The following UTRN variants were observed in gnomAD, a reference collection of about 807,000 sequenced individuals.
The protein encoded by UTRN is utrophin, also known as dystrophin-related protein 1.
In UTRN, 283 loss-of-function variants were observed where a neutral mutation model predicts 463.9. The ratio of observed to expected loss-of-function variants is 0.61; its 90% CI spans 0.55 to 0.67. UTRN has a LOEUF of 0.67. Among genes scored for constraint, UTRN ranks in the 30% least tolerant of loss-of-function variants. The pLI, the probability that UTRN is intolerant of heterozygous loss-of-function variation, is 0.00. For missense variants in UTRN, 3,922 were observed against 4,084.3 expected (o/e 0.96, Z 1.08); for synonymous variants, 1,442 against 1,431.5 (o/e 1.01, Z -0.17).
At position 144,461,334 on chromosome 6, in the gene UTRN, G is replaced by A. The variant is rs757368600; in HGVS notation, c.2845G>A (p.Glu949Lys). 10 of 1,558,072 alleles carry A rather than the reference G, an allele frequency of 6.4e-6. No individual in the cohort carries two copies. In the Admixed American group the frequency reaches 7.7e-5, roughly 12 times the overall value. ...TGCCAAGGTGGAGAAGGCCCTGCAAGAAAAAAAGGTAACATATATCTTCCA... is the reference window on the plus strand; with the variant it reads ...TGCCAAGGTGGAGAAGGCCCTGCAAAAAAAAAAGGTAACATATATCTTCCA... ...DLAKVEKALQ[E>K]KKTLDEILEN... is the part of the protein sequence containing the mutation. The change falls in exon 22 of 75, where the codon GAA becomes AAA. Residue 949 changes from glutamate to lysine, a missense_variant. Physicochemically the swap from Glu to Lys is moderately conservative, Grantham distance 56 (BLOSUM62 1). Coordinates refer to ENST00000367545, the MANE Select transcript of UTRN (RefSeq NM_007124.3).
chr6:144,778,887 A>G (rs779229447), intron 60 of UTRN, among the ~76,000 whole-genome samples: 13 of 152,214 alleles, frequency 8.5e-5, no homozygotes, highest in Non-Finnish European at 1.6e-4. Context: ...GAAAATCTTA[A>G]TCATAATTTT....
intron 51 of UTRN, among the ~76,000 whole-genome samples, chr6:144,626,741 G>C (rs1585643164): frequency 3.3e-5 from 5 of 152,288 alleles, no homozygotes; most frequent in Admixed American, 3.3e-4. Flanking sequence ...CCAGGTTCAA[G>C]CAATTCTCCT....
intron 51 of UTRN, among the ~76,000 whole-genome samples, chr6:144,653,565 G>A (rs1779039774): frequency 6.7e-6 from 1 of 150,072 alleles, no homozygotes; most frequent in Non-Finnish European, 1.5e-5. Context: ...CAGCCTGGGC[G>A]ACAGAGCGAG....
At chr6:144,397,096 T>C (rs1782503742) in intron 2 of UTRN, among the ~76,000 whole-genome samples, 1 of 152,016 alleles carries the variant, frequency 6.6e-6, no homozygotes, top group Non-Finnish European at 1.5e-5. Flanking sequence ...ATACAAAAAT[T>C]AGCCAGGCTT....
At chr6:144,791,379 G>A (rs934463937) in intron 62 of UTRN, among the ~76,000 whole-genome samples, 2 of 152,000 alleles carry the variant, frequency 1.3e-5, no homozygotes, top group Non-Finnish European at 2.9e-5. Context: ...TGGCCTTTAT[G>A]CTTATAGCTG....
At position 144,751,855 on chromosome 6, in the gene UTRN, A is replaced by G; in HGVS notation, c.8258A>G (p.Asn2753Ser). The G allele has an allele frequency of 1.9e-6, 3 of 1,611,918 alleles. No homozygotes were observed. Among genetic ancestry groups the G allele is most frequent in the Non-Finnish European group, 2.5e-6 (3 of 1,179,052 alleles). ...ATCAACTTTAAAGTTAAAACGGTGAATGATTTATCCAGTCAGCTGTCTCCA... is the reference window on the plus strand; with the variant it reads ...ATCAACTTTAAAGTTAAAACGGTGAGTGATTTATCCAGTCAGCTGTCTCCA... Reference protein sequence around the residue: ...APINFKVKTVNDLSSQLSPLD... With the variant: ...APINFKVKTVSDLSSQLSPLD... The change falls in exon 56 of 75, where the codon AAT (asparagine) becomes AGT (serine). Residue 2753 changes from asparagine (N) to serine (S), a missense_variant. Physicochemically the swap from Asn to Ser is conservative, Grantham distance 46 (BLOSUM62 1). Transcript: ENST00000367545.
intron 52 of UTRN, among the ~76,000 whole-genome samples, chr6:144,695,355 T>G (rs544504642): frequency 3.9e-5 from 6 of 152,130 alleles, no homozygotes; most frequent in Non-Finnish European, 8.8e-5. Flanking sequence ...ACTTTTTTTT[T>G]TTTTTTGAGA....
chr6:144,394,370 C>T (rs1782206844), intron 2 of UTRN, among the ~76,000 whole-genome samples: 1 of 152,034 alleles, frequency 6.6e-6, no homozygotes, highest in Admixed American at 6.6e-5. Flanking sequence ...AAGGGGAAAC[C>T]CCTTATAAAA....
chr6:144,525,683 G>C (rs1463797490), intron 41 of UTRN, among the ~76,000 whole-genome samples: 1 of 149,834 alleles, frequency 6.7e-6, no homozygotes, highest in Non-Finnish European at 1.5e-5. Flanking sequence ...TTTTCATTTA[G>C]CTCTGCTCTG....
At chr6:144,548,942 A>T (rs888683822) in intron 47 of UTRN, 88 bp downstream of exon 47, 17 of 1,348,496 alleles carry the variant, frequency 1.3e-5, no homozygotes, top group Non-Finnish European at 1.7e-5. Context: ...TTTATCCTAA[A>T]CTATGAGAGA....
chr6:144,499,422 G>A lies in UTRN; in HGVS notation c.4759G>A (p.Ala1587Thr). The A allele has an allele frequency of 6.2e-7, 1 of 1,605,326 alleles. No homozygotes were observed. Among genetic ancestry groups the A allele is most frequent in the East Asian group, 2.2e-5 (1 of 44,650 alleles). ...TGACTTGGATACAGAAATTTCCTGG[G>A]CTAAAGTAAGTTGCAGTTCAGATGA... ...LGDLDTEISW[A>T]KNVLKDLEKR... Residue 1587 changes from alanine (A) to threonine (T), a missense_variant, in exon 34 of 75, where the codon GCT (alanine) becomes ACT (threonine). Ala to Thr is a moderately conservative substitution (Grantham distance 58). This residue lies in a region of UTRN where 2,349 missense variants were observed against 2,303.8 expected (regional missense o/e 1.02). Transcript: ENST00000367545.
At chr6:144,424,119 T>C (rs1785091285) in intron 6 of UTRN, 41 bp downstream of exon 6, 1 of 1,592,828 alleles carries the variant, frequency 6.3e-7, no homozygotes, top group Admixed American at 1.7e-5. Context: ...AGATGGAAAA[T>C]GTGTTGTTTG....
chr6:144,758,451 T>C (rs1792253791), intron 58 of UTRN: 1 of 152,306 alleles, frequency 6.6e-6, no homozygotes, highest in Non-Finnish European at 1.5e-5. Flanking sequence ...TGTCATTTTA[T>C]TCCACCAATA....
At chr6:144,458,202 C>T (rs1207982920) in intron 19 of UTRN, among the ~76,000 whole-genome samples, 1 of 152,138 alleles carries the variant, frequency 6.6e-6, no homozygotes, top group Non-Finnish European at 1.5e-5. Flanking sequence ...TGCAAGGTCT[C>T]CAGTGGGCTT....
Position 144,548,713 on chromosome 6 carries a change from G to A in UTRN, c.6669G>A (p.Ser2223=), listed in dbSNP as rs562008148. The A allele has an allele frequency of 6.4e-4, 1,035 of 1,613,900 alleles. 14 individuals are homozygous for A. In the South Asian group the frequency reaches 9.8e-3, roughly 15 times the overall value. ...TTCCTGTTCAGTCTCATCGTACTTC[G>A]GAAATTTCAATTCCTGCTGATCTTG... ...SDIPVQSHRT[S]EISIPADLDK... The change falls in exon 47 of 75, where the codon TCG becomes TCA. Residue 2223 remains serine, a synonymous_variant. Transcript: ENST00000367545.
chr6:144,486,724 C>T lies in UTRN; in HGVS notation c.3823-824C>T, dbSNP rs184909096. Among the ~76,000 whole-genome samples, 332 of 152,170 alleles carry T rather than the reference C, an allele frequency of 2.2e-3. 2 individuals are homozygous for T. The highest frequency in any genetic ancestry group is 0.014 in the East Asian group (71 of 5,156). On this transcript the variant is annotated intron_variant, in intron 28 of 74. Coordinates refer to ENST00000367545, the MANE Select transcript of UTRN (RefSeq NM_007124.3). ...TAGTAGAGATGGGGTTTTACCATGT[C>T]GGCCAGGCTGGGCTCGAACTCCTGA...
chr6:144,632,723 CTTT>C (rs34600667), intron 51 of UTRN, among the ~76,000 whole-genome samples: 1 of 142,214 alleles, frequency 7.0e-6, no homozygotes. Flanking sequence ...TAAACTTTTA[CTTT>C]TTTTTTTTTT....
intron 7 of UTRN, 119 bp from the exon 8 acceptor site, chr6:144,428,659 A>C (rs1234783051): frequency 3.7e-6 from 2 of 542,180 alleles, no homozygotes; most frequent in Non-Finnish European, 6.4e-6. Flanking sequence ...TATAAAAATA[A>C]ACTCAAAAAA....
At chr6:144,379,090 G>A (rs1780696514) in intron 2 of UTRN, among the ~76,000 whole-genome samples, 1 of 152,210 alleles carries the variant, frequency 6.6e-6, no homozygotes, top group South Asian at 2.1e-4. Flanking sequence ...GTTGAAATGA[G>A]TCTGTGAGCT....
Sources: allele counts gnomAD v4.1 joint callset (sites outside exome capture counted in the v4.1 genomes callset), GRCh38; gene constraint gnomAD v4.1.1; regional missense constraint gnomAD v4.1.1; transcripts MANE v1.5; gene names NCBI Gene and HGNC (gene_info 2026-07-23, HGNC 2026-07-21).